Variants in COL15A1 observed in about 807,000 individuals in gnomAD.
The protein encoded by COL15A1 is collagen alpha-1(XV) chain.
Under a neutral mutation model 165.9 loss-of-function variants are expected in COL15A1, and 111 were observed. The observed-to-expected ratio is 0.67, with a 90% CI of 0.57 to 0.78. The LOEUF (loss-of-function observed/expected upper bound fraction) is 0.78. COL15A1 is among the 30% of genes least tolerant of loss of function. The probability of loss-of-function intolerance (pLI) is 0.00; values close to 1 mark genes in which losing one functional copy is unlikely to be tolerated. For missense variants in COL15A1, 1,745 were observed against 1,789.7 expected (o/e 0.98, Z 0.45); for synonymous variants, 659 against 674.8 (o/e 0.98, Z 0.36).
chr9:99,023,089 C>T (rs577769560), intron 13 of COL15A1, among the ~76,000 whole-genome samples: 145 of 152,016 alleles, frequency 9.5e-4, no homozygotes, highest in South Asian at 3.3e-3. Context: ...GAGGAGACTG[C>T]GGAACTGGGC....
At position 98,989,228 on chromosome 9, in the gene COL15A1, C is replaced by A; in HGVS notation, c.774C>A (p.Ile258=). ...GLQEADGVAE[I]LEAVTYTQAS... ...AGGAGGCAGACGGAGTAGCTGAGAT[C>A]TTAGAAGCCGTCACCTACACTCAAG... is the stretch of plus-strand genomic sequence containing the variant. The change falls in exon 5 of 42, where the codon ATC becomes ATA. Residue 258 remains isoleucine (I), a synonymous_variant. Coordinates refer to ENST00000375001, the MANE Select transcript of COL15A1 (RefSeq NM_001855.5). 6.2e-7 allele frequency: 1 copy of A among 1,614,108 alleles called. No individual in the cohort carries two copies. Among genetic ancestry groups the A allele is most frequent in the Non-Finnish European group, 8.5e-7 (1 of 1,179,972 alleles).
chr9:98,944,347 C>T (rs1315813087), intron 2 of COL15A1, 97 bp downstream of exon 2: 2 of 1,239,614 alleles, frequency 1.6e-6, no homozygotes, highest in Non-Finnish European at 2.3e-6. Flanking sequence ...TGCCTCATTC[C>T]TGGACATAAA....
chr9:98,956,345 C>T (rs959214060), intron 2 of COL15A1, among the ~76,000 whole-genome samples: 1 of 151,960 alleles, frequency 6.6e-6, no homozygotes, highest in East Asian at 1.9e-4. Context: ...ACAACAACAA[C>T]CAAAAAACAG....
At chr9:99,037,811 A>G (rs1839328456) in intron 21 of COL15A1, among the ~76,000 whole-genome samples, 1 of 152,206 alleles carries the variant, frequency 6.6e-6, no homozygotes, top group Non-Finnish European at 1.5e-5. Context: ...GGCACGGAGG[A>G]CAGAACTTCC....
Position 99,003,491 on chromosome 9 carries a change from C to T in COL15A1, c.1104C>T (p.Pro368=), listed in dbSNP as rs758374351. 6 of 1,559,280 alleles carry T rather than the reference C, an allele frequency of 3.8e-6. No individual in the cohort carries two copies. In the South Asian group the frequency reaches 4.8e-5, roughly 12 times the overall value. ...CAGCAGCGGGGCTGGCCGAGGTGCC[C>T]ATCAGCACTGCTGGAGAAGCAGAGG... ...AATAAGLAEV[P]ISTAGEAEAS... is the part of the protein sequence containing the mutation. Residue 368 remains proline (P), a synonymous_variant, in exon 8 of 42, where the codon CCC becomes CCT. Transcript: ENST00000375001.
At chr9:99,010,400 A>G (rs1838831929) in intron 9 of COL15A1, among the ~76,000 whole-genome samples, 1 of 152,224 alleles carries the variant, frequency 6.6e-6, no homozygotes, top group Admixed American at 6.5e-5. Flanking sequence ...AGAAGGGGTC[A>G]GGGGAAACTT....
intron 14 of COL15A1, among the ~76,000 whole-genome samples, chr9:99,024,228 C>A (rs1839076573): frequency 6.6e-6 from 1 of 151,122 alleles, no homozygotes; most frequent in Non-Finnish European, 1.5e-5. Context: ...CACTAGTGCA[C>A]TTCAGAAAGA....
chr9:98,971,746 G>A (rs559849350), intron 2 of COL15A1, among the ~76,000 whole-genome samples: 8 of 152,346 alleles, frequency 5.3e-5, no homozygotes, highest in African/African-American at 1.2e-4. Context: ...GCGTGTGTGC[G>A]CATGCACGTG....
rs768634957 is a variant in COL15A1, at chr9:99,049,767, G to A, written c.2862+9G>A. Reference sequence around the variant, plus strand: ...TGATTAACATCAAAGGAGTAAGTTGGCACGCAGTGGGAAGACCTTCCCGAT... The same window carrying A: ...TGATTAACATCAAAGGAGTAAGTTGACACGCAGTGGGAAGACCTTCCCGAT... On this transcript the variant is annotated intron_variant, in intron 29 of 41. Transcript: ENST00000375001. 5.0e-6 allele frequency: 8 copies of A among 1,614,250 alleles called. No individual in the cohort carries two copies. The East Asian group carries it at 1.8e-4, about 36-fold the overall frequency.
At chr9:99,001,200 G>A (rs888077727) in intron 7 of COL15A1, among the ~76,000 whole-genome samples, 4 of 152,076 alleles carry the variant, frequency 2.6e-5, no homozygotes, top group Admixed American at 1.3e-4. Flanking sequence ...TGTGATGAGC[G>A]AGCGTCCAGG....
chr9:99,069,563 C>A, intron 41 of COL15A1, 110 bp from the exon 42 acceptor site: 2 of 1,364,550 alleles, frequency 1.5e-6, no homozygotes, highest in Non-Finnish European at 2.0e-6. Context: ...GATTTGGCAT[C>A]AGGGTTAAGG....
intron 35 of COL15A1, among the ~76,000 whole-genome samples, chr9:99,056,722 C>A (rs952270375): frequency 1.2e-4 from 19 of 152,176 alleles, no homozygotes; most frequent in Admixed American, 4.6e-4. Flanking sequence ...TTTCCCTCTC[C>A]TCCACCAGAT....
In COL15A1 at chr9:99,056,401, G is replaced by T. The variant is rs368401631; in HGVS notation, c.3334G>T (p.Ala1112Ser). The change falls in exon 35 of 42, where the codon GCA (alanine) becomes TCA (serine). Residue 1112 changes from alanine (A) to serine (S), a missense_variant. Transcript: ENST00000375001. ...ACCAGGACCTCCAGCTATCCTGGGAGCAGGTTAGTGCCGTAAACAGTGCCC... is the reference window on the plus strand; with the variant it reads ...ACCAGGACCTCCAGCTATCCTGGGATCAGGTTAGTGCCGTAAACAGTGCCC... Reference protein sequence around the residue: ...GPPGPPAILGAAVALPGPPGP... With the variant: ...GPPGPPAILGSAVALPGPPGP... 4 of 1,607,826 alleles carry T rather than the reference G, an allele frequency of 2.5e-6. No homozygotes were observed. The South Asian group carries it at 4.4e-5, about 18-fold the overall frequency.
intron 2 of COL15A1, among the ~76,000 whole-genome samples, chr9:98,975,288 A>G (rs1838125012): frequency 6.6e-6 from 1 of 152,224 alleles, no homozygotes. Flanking sequence ...AGCCAGCTAC[A>G]GTTCTCTAGG....
At chr9:99,053,565 G>A (rs756378501) in intron 31 of COL15A1, among the ~76,000 whole-genome samples, 14 of 152,226 alleles carry the variant, frequency 9.2e-5, no homozygotes, top group African/African-American at 1.2e-4. Context: ...CTACTGCTCC[G>A]GTTGGTGCTG....
intron 2 of COL15A1, among the ~76,000 whole-genome samples, chr9:98,968,914 A>G (rs941122729): frequency 1.3e-5 from 2 of 152,116 alleles, no homozygotes; most frequent in Non-Finnish European, 2.9e-5. Context: ...CTGCCTATTA[A>G]GCTATACTGG....
chr9:99,037,379 A>G (rs887051308), intron 21 of COL15A1, among the ~76,000 whole-genome samples: 5 of 152,282 alleles, frequency 3.3e-5, no homozygotes, highest in East Asian at 1.9e-4. Flanking sequence ...ATAAGCACTC[A>G]TGGGCATGCA....
intron 7 of COL15A1, among the ~76,000 whole-genome samples, chr9:99,001,371 T>C (rs1346029033): frequency 1.3e-5 from 2 of 152,180 alleles, no homozygotes; most frequent in Admixed American, 1.3e-4. Context: ...TTTGAAATGC[T>C]GGGCTCCCTA....
chr9:99,001,493 C>T (rs1333254138), intron 7 of COL15A1, among the ~76,000 whole-genome samples: 1 of 152,204 alleles, frequency 6.6e-6, no homozygotes, highest in Non-Finnish European at 1.5e-5. Flanking sequence ...ACAGTTCTCA[C>T]AGCTCTCTCA....
Sources: gnomAD v4.1 joint callset for allele counts (sites outside exome capture counted in the v4.1 genomes callset) on GRCh38, gnomAD v4.1.1 for gene constraint, MANE v1.5 for transcripts, NCBI Gene and HGNC (gene_info 2026-07-23, HGNC 2026-07-21) for gene names.